OSBPL9: variants seen among roughly 807,000 people sequenced by gnomAD.
The protein encoded by OSBPL9 is oxysterol-binding protein-related protein 9.
OSBPL9 carries 40 observed loss-of-function variants against 106.6 expected under a neutral mutation model. The observed-to-expected ratio is 0.38, with a 90% CI of 0.29 to 0.49. The LOEUF is 0.49. OSBPL9 is among the 20% of genes least tolerant of loss of function. The probability of loss-of-function intolerance (pLI) is 0.97; values close to 1 mark genes in which losing one functional copy is unlikely to be tolerated. For synonymous variants in OSBPL9, 269 were observed against 295.4 expected, an observed-to-expected ratio of 0.91 and a Z score of 0.92; for missense variants, 609 against 887.2, an observed-to-expected ratio of 0.69 and a Z score of 3.98.
chr1:51,768,251 C>T (rs1020684986), intron 12 of OSBPL9, among the ~76,000 whole-genome samples: 5 of 138,416 alleles, frequency 3.6e-5, no homozygotes, highest in South Asian at 2.3e-4. Context: ...TTTTTTGAGA[C>T]GGAGTTTTGC....
chr1:51,617,030 C>A, upstream of OSBPL9: 1 of 1,483,420 alleles, frequency 6.7e-7, no homozygotes, highest in South Asian at 1.2e-5. Flanking sequence ...CGCCCCGCCC[C>A]CTGCGGCCCC....
chr1:51,626,157 T>C (rs1217436562), intron 1 of OSBPL9, among the ~76,000 whole-genome samples: 1 of 152,212 alleles, frequency 6.6e-6, no homozygotes, highest in African/African-American at 2.4e-5. Context: ...CTTTCCTCCA[T>C]CACTCATAGG....
Position 51,789,174 on chromosome 1 carries a change from A to AAAAT in OSBPL9, c.*1387_*1390dup. 3 of 1,502,148 alleles carry AAAAT rather than the reference A, an allele frequency of 2.0e-6. No individual in the cohort carries two copies. The highest frequency in any genetic ancestry group is 2.3e-5 in the East Asian group (1 of 44,286). 93.1% of individuals were successfully genotyped at this position (1,502,148 alleles called of 1,614,324 possible). A position where few individuals can be genotyped will look rare whatever the true frequency, so the allele number is the denominator to read the frequency against. ...AAGGCAGTAGTATAACTAACTCCAT[A>AAAAT]AAATACAAACAAACACATTTTAAAA... is the stretch of plus-strand genomic sequence containing the variant. On this transcript the variant is annotated 3_prime_UTR_variant, in exon 24 of 24. Coordinates refer to ENST00000428468, the MANE Select transcript of OSBPL9 (RefSeq NM_024586.6).
At chr1:51,598,679 A>G (rs1645314264) in intron 2 of OSBPL9, among the ~76,000 whole-genome samples, 1 of 152,148 alleles carries the variant, frequency 6.6e-6, no homozygotes, top group Non-Finnish European at 1.5e-5. Flanking sequence ...TCTAGGCACT[A>G]GTTGGGTGCA....
intron 1 of OSBPL9, among the ~76,000 whole-genome samples, chr1:51,650,164 C>T (rs78512450): frequency 0.012 from 1,820 of 152,204 alleles, 38 homozygotes; most frequent in African/African-American, 0.042. Flanking sequence ...AATTAGGAAA[C>T]GACTAGGATT....
At chr1:51,674,253 A>T (rs983130077) in intron 3 of OSBPL9, among the ~76,000 whole-genome samples, 1 of 151,582 alleles carries the variant, frequency 6.6e-6, no homozygotes, top group African/African-American at 2.4e-5. Context: ...TTAATAAAAA[A>T]TTTTTATTGT....
intron 2 of OSBPL9, among the ~76,000 whole-genome samples, chr1:51,664,581 A>G (rs555900736): frequency 1.6e-4 from 25 of 152,186 alleles, no homozygotes; most frequent in Non-Finnish European, 3.7e-4. Context: ...AATCCCAGTT[A>G]CTCAAGAGGC....
intron 4 of OSBPL9, among the ~76,000 whole-genome samples, chr1:51,741,567 T>C (rs906979657): frequency 8.0e-5 from 12 of 150,870 alleles, no homozygotes; most frequent in Non-Finnish European, 1.3e-4. Flanking sequence ...TTCTCTCTCT[T>C]TCTTTCTTTT....
chr1:51,705,008 A>G (rs1409085962), intron 3 of OSBPL9, among the ~76,000 whole-genome samples: 1 of 152,120 alleles, frequency 6.6e-6, no homozygotes, highest in Non-Finnish European at 1.5e-5. Context: ...AAGGTAACCA[A>G]TTTATTTAGT....
At chr1:51,736,911 G>A (rs887247398) in intron 4 of OSBPL9, among the ~76,000 whole-genome samples, 1 of 152,092 alleles carries the variant, frequency 6.6e-6, no homozygotes, top group Non-Finnish European at 1.5e-5. Context: ...GAAAAGTGTT[G>A]GCTGATTGCC....
intron 2 of OSBPL9, among the ~76,000 whole-genome samples, chr1:51,608,689 C>G (rs74947877): frequency 1.3e-5 from 2 of 148,402 alleles, no homozygotes; most frequent in African/African-American, 5.1e-5. Context: ...GGGGGGGGGG[C>G]TTTCCTGCCC....
the OSBPL9 span, among the ~76,000 whole-genome samples, chr1:51,520,645 G>A: frequency 1.3e-5 from 2 of 152,294 alleles, no homozygotes; most frequent in South Asian, 4.1e-4. Context: ...ACTCTATCAG[G>A]CCTACACCCA....
chr1:51,735,874 A>G (rs1390674790), intron 4 of OSBPL9, among the ~76,000 whole-genome samples: 1 of 152,156 alleles, frequency 6.6e-6, no homozygotes, highest in Non-Finnish European at 1.5e-5. Flanking sequence ...TTTTTCTCCT[A>G]GTTAGTTTCT....
At chr1:51,613,798 G>C (rs1557584699), upstream of OSBPL9, among the ~76,000 whole-genome samples, 1 of 151,296 alleles carries the variant, frequency 6.6e-6, no homozygotes, top group South Asian at 2.1e-4. Flanking sequence ...CTGGAGTGCA[G>C]TGGCACGATC....
intron 1 of OSBPL9, among the ~76,000 whole-genome samples, chr1:51,595,278 C>T (rs1325276421): frequency 1.3e-5 from 2 of 152,082 alleles, no homozygotes; most frequent in Non-Finnish European, 2.9e-5. Context: ...GGGTGCTCGA[C>T]TTTGTGGAGC....
At chr1:51,738,510 T>C (rs1183770847) in intron 4 of OSBPL9, among the ~76,000 whole-genome samples, 1 of 152,052 alleles carries the variant, frequency 6.6e-6, no homozygotes, top group East Asian at 1.9e-4. Context: ...ACCAAGGTAA[T>C]AATTAAGTAC....
the OSBPL9 span, among the ~76,000 whole-genome samples, chr1:51,570,065 T>C: frequency 6.6e-6 from 1 of 152,202 alleles, no homozygotes; most frequent in Non-Finnish European, 1.5e-5. Flanking sequence ...TTTCAAGAGA[T>C]ACTTGAAGAC....
At chr1:51,636,763 A>G (rs1645476344) in intron 1 of OSBPL9, among the ~76,000 whole-genome samples, 1 of 152,156 alleles carries the variant, frequency 6.6e-6, no homozygotes, top group Admixed American at 6.6e-5. Context: ...CAGCCTGGGC[A>G]ACAGAGTAAC....
At chr1:51,662,934 T>G (rs149681917) in intron 2 of OSBPL9, among the ~76,000 whole-genome samples, 80 of 151,860 alleles carry the variant, frequency 5.3e-4, no homozygotes, top group African/African-American at 1.7e-3. Flanking sequence ...TTAGTAGAGA[T>G]GGGGTTTCAC....
Sources: allele counts gnomAD v4.1 joint callset (sites outside exome capture counted in the v4.1 genomes callset), GRCh38; gene constraint gnomAD v4.1.1; transcripts MANE v1.5; gene names NCBI Gene and HGNC (gene_info 2026-07-23, HGNC 2026-07-21).